Variants in FOXK1 observed in about 807,000 individuals in gnomAD.
FOXK1 encodes the protein forkhead box K1.
In FOXK1, 19 loss-of-function variants were observed where a neutral mutation model predicts 51.9. That is an observed-to-expected ratio of 0.37 (90% CI 0.26 to 0.54). FOXK1 has a LOEUF of 0.54. Among genes scored for constraint, FOXK1 ranks in the 20% least tolerant of loss-of-function variants. The pLI is 0.87. For synonymous variants in FOXK1, 537 were observed against 482.6 expected (o/e 1.11, Z -1.48); for missense variants, 870 against 1,032.7 (o/e 0.84, Z 2.16).
rs1307077931 is a variant in FOXK1 at position 4,758,642 on chromosome 7, C to T, written c.1245-409C>T. 1.0e-5 allele frequency: 2 copies of T among 192,520 alleles called. No individual in the cohort carries two copies. The highest frequency in any genetic ancestry group is 2.1e-5 in the Non-Finnish European group (2 of 94,898). 11.9% of individuals were successfully genotyped at this position (192,520 alleles called of 1,614,324 possible). On this transcript the variant is annotated intron_variant, in intron 5 of 8. Transcript: ENST00000328914. This position sits in a 1 kb window ranked among gnomAD's most constrained non-coding sequence, Gnocchi z 4.4. ...CATTTGCAGCATTTAAACTGAGCTCCAAATGACGTTCAAACACCCCTCTCG... is the reference window on the plus strand; with the variant it reads ...CATTTGCAGCATTTAAACTGAGCTCTAAATGACGTTCAAACACCCCTCTCG...
intron 2 of FOXK1, among the ~76,000 whole-genome samples, chr7:4,744,222 T>TA (rs1294320562): frequency 3.3e-5 from 5 of 152,232 alleles, no homozygotes; most frequent in African/African-American, 7.2e-5. Context: ...AGTTAAGTGA[T>TA]ACCTGTGTTT....
rs145965537 is a variant in FOXK1 at position 4,700,366 on chromosome 7, A to G, written c.560+17498A>G. On this transcript the variant is annotated intron_variant, in intron 1 of 8. Coordinates refer to ENST00000328914, the MANE Select transcript of FOXK1 (RefSeq NM_001037165.2). The stretch of plus-strand genomic sequence containing the variant: ...GTGTAAGAAAGTGATCAGAAGTTCC[A>G]TTAGCTTAGCTTCTAAAGGTCTGGC... Among the ~76,000 whole-genome samples, 461 of 152,344 alleles carry G rather than the reference A, an allele frequency of 3.0e-3. 1 individual carries two copies. Among genetic ancestry groups the G allele is most frequent in the African/African-American group, 0.01 (429 of 41,588 alleles).
chr7:4,729,207 C>T lies in FOXK1; in HGVS notation c.561-11631C>T, dbSNP rs980268044. ...CGGAGGTGATTTCGGAGCCTACTCT[C>T]CGATCCTCAGGATCCTCTTCGGGAG... On this transcript the variant is annotated intron_variant, in intron 1 of 8. Coordinates refer to ENST00000328914, the MANE Select transcript of FOXK1 (RefSeq NM_001037165.2). The surrounding 1 kb of genome is among the most constrained non-coding windows in gnomAD (Gnocchi z 6.2). 6.6e-6 allele frequency among the ~76,000 whole-genome samples: 1 copy of T among 152,210 alleles called. No individual in the cohort carries two copies. Among genetic ancestry groups the T allele is most frequent in the Non-Finnish European group, 1.5e-5 (1 of 68,032 alleles).
intron 1 of FOXK1, among the ~76,000 whole-genome samples, chr7:4,705,552 T>TCTCTCGCTCTCGCTCTCGCTCTCG (rs1554249281): frequency 1.7e-4 from 24 of 143,690 alleles, no homozygotes; most frequent in South Asian, 4.4e-4. Context: ...TCTCTCTCTC[T>TCTCTCGCTCTCGCTCTCGCTCTCG]CTCTCTCGCT....
intron 2 of FOXK1, among the ~76,000 whole-genome samples, chr7:4,751,650 C>T (rs565631675): frequency 6.6e-6 from 1 of 152,334 alleles, no homozygotes; most frequent in East Asian, 1.9e-4. Context: ...CTGCGGAGGA[C>T]AGTTGAATGG....
chr7:4,696,137 A>G (rs1342660048), intron 1 of FOXK1, among the ~76,000 whole-genome samples: 1 of 150,466 alleles, frequency 6.6e-6, no homozygotes, highest in Non-Finnish European at 1.5e-5. Flanking sequence ...AAAAAAAAGA[A>G]TCTTGTGCTG....
intron 1 of FOXK1, among the ~76,000 whole-genome samples, chr7:4,695,384 C>G (rs959436110): frequency 4.6e-5 from 7 of 152,174 alleles, no homozygotes; most frequent in African/African-American, 1.7e-4. Flanking sequence ...ACAGGCCTGC[C>G]TACCTTTGGA....
At position 4,703,400 on chromosome 7, in the gene FOXK1, G is replaced by A. The variant is rs970880257; in HGVS notation, c.560+20532G>A. Among the ~76,000 whole-genome samples the A allele has an allele frequency of 6.6e-6, 1 of 152,182 alleles. No individual in the cohort carries two copies. Among genetic ancestry groups the A allele is most frequent in the African/African-American group, 2.4e-5 (1 of 41,452 alleles). ...GGGAGGACAACTCGCTGAAGTTCGTGGCCCCAAGACATGCGGAGAACCCGC... is the reference window on the plus strand; with the variant it reads ...GGGAGGACAACTCGCTGAAGTTCGTAGCCCCAAGACATGCGGAGAACCCGC... On this transcript the variant is annotated intron_variant, in intron 1 of 8. Transcript: ENST00000328914. The surrounding 1 kb of genome is among the most constrained non-coding windows in gnomAD (Gnocchi z 5.6).
intron 1 of FOXK1, among the ~76,000 whole-genome samples, chr7:4,724,984 A>T (rs1428407256): frequency 6.6e-6 from 1 of 152,070 alleles, no homozygotes; most frequent in Non-Finnish European, 1.5e-5. Context: ...GGGAGAGGAG[A>T]AGTGGGTTTG....
chr7:4,692,901 A>G (rs538987450), intron 1 of FOXK1, among the ~76,000 whole-genome samples: 1 of 151,754 alleles, frequency 6.6e-6, no homozygotes, highest in South Asian at 2.1e-4. Flanking sequence ...AATTTCTTTT[A>G]TTTATTTATT....
At position 4,755,004 on chromosome 7, in the gene FOXK1, A is replaced by T. The variant is rs1780826276; in HGVS notation, c.904-233A>T. 3.4e-6 allele frequency: 2 copies of T among 580,500 alleles called. No homozygotes were observed. Among genetic ancestry groups the T allele is most frequent in the South Asian group, 4.5e-5 (2 of 44,240 alleles). 36.0% of individuals were successfully genotyped at this position (580,500 alleles called of 1,614,324 possible). A position where few individuals can be genotyped will look rare whatever the true frequency, so the allele number is the denominator to read the frequency against. ...AAATTGATTTCTGGAAGAGGTGAGA[A>T]ATTTCAGAATTAAATTATAATAAAA... On this transcript the variant is annotated intron_variant, in intron 3 of 8. Transcript: ENST00000328914. This position sits in a 1 kb window ranked among gnomAD's most constrained non-coding sequence, Gnocchi z 6.6.
rs533598470 is a variant in FOXK1, at chr7:4,763,748, C to G, written c.*1284C>G. ...CCAGTGGTTCCTGGATCTTTGTCACCAAGCAGCGTTGAGCCAGAGCTGTCT... is the reference window on the plus strand; with the variant it reads ...CCAGTGGTTCCTGGATCTTTGTCACGAAGCAGCGTTGAGCCAGAGCTGTCT... On this transcript the variant is annotated 3_prime_UTR_variant, in exon 9 of 9. Coordinates refer to ENST00000328914, the MANE Select transcript of FOXK1 (RefSeq NM_001037165.2). The G allele has an allele frequency of 2.6e-5, 4 of 152,442 alleles. No homozygotes were observed. The East Asian group carries it at 7.7e-4, about 29-fold the overall frequency. 9.4% of individuals were successfully genotyped at this position (152,442 alleles called of 1,614,324 possible). A position where few individuals can be genotyped will look rare whatever the true frequency, so the allele number is the denominator to read the frequency against.
At position 4,762,803 on chromosome 7, in the gene FOXK1, A is replaced by G. The variant is rs540076742; in HGVS notation, c.*339A>G. Reference sequence around the variant, plus strand: ...AGCATCTTGAGGAATGTGTCAAGACAGCCCCTCCGCTCCGCGCTGCACGGC... The same window carrying G: ...AGCATCTTGAGGAATGTGTCAAGACGGCCCCTCCGCTCCGCGCTGCACGGC... On this transcript the variant is annotated 3_prime_UTR_variant, in exon 9 of 9. Coordinates refer to ENST00000328914, the MANE Select transcript of FOXK1 (RefSeq NM_001037165.2). This position sits in a 1 kb window ranked among gnomAD's most constrained non-coding sequence, Gnocchi z 5.7. 7.0e-5 allele frequency: 22 copies of G among 313,420 alleles called. No individual in the cohort carries two copies. The South Asian group carries it at 8.1e-4, about 11-fold the overall frequency. The allele number at this position is 313,420 out of a possible 1,614,324, so 19.4% of individuals were successfully genotyped here.
rs952279584 is a variant in FOXK1, at chr7:4,761,799, G to A, written c.1922-385G>A. On this transcript the variant is annotated intron_variant, in intron 8 of 8. Coordinates refer to ENST00000328914, the MANE Select transcript of FOXK1 (RefSeq NM_001037165.2). The surrounding 1 kb of genome is among the most constrained non-coding windows in gnomAD (Gnocchi z 6.2). ...CATGGGGTGAGGCAAGAGGTCAAAG[G>A]AAGGAGGAGAGTTGGGGTGCTGGGG... Among the ~76,000 whole-genome samples, 4 of 152,194 alleles carry A rather than the reference G, an allele frequency of 2.6e-5. No individual in the cohort carries two copies. The highest frequency in any genetic ancestry group is 7.2e-5 in the African/African-American group (3 of 41,442).
rs139382813 is a variant in FOXK1, at chr7:4,707,670, C to T, written c.560+24802C>T. On this transcript the variant is annotated intron_variant, in intron 1 of 8. Transcript: ENST00000328914. The surrounding 1 kb of genome is among the most constrained non-coding windows in gnomAD (Gnocchi z 4.1). Reference sequence around the variant, plus strand: ...CATTCGTATCTGATTCATGCGTGTGCGACCAGTACTCCATTTCACTTTTTT... The same window carrying T: ...CATTCGTATCTGATTCATGCGTGTGTGACCAGTACTCCATTTCACTTTTTT... Among the ~76,000 whole-genome samples, 4 of 150,374 alleles carry T rather than the reference C, an allele frequency of 2.7e-5. No homozygotes were observed. In the East Asian group the frequency reaches 5.8e-4, roughly 22 times the overall value.
At position 4,709,909 on chromosome 7, in the gene FOXK1, A is replaced by T. The variant is rs980580738; in HGVS notation, c.560+27041A>T. ...CTTAGAACAACGCGTGACACGTTTG[A>T]ACACGGAAGAACACGGAAGCCTGTG... On this transcript the variant is annotated intron_variant, in intron 1 of 8. Coordinates refer to ENST00000328914, the MANE Select transcript of FOXK1 (RefSeq NM_001037165.2). The surrounding 1 kb of genome is among the most constrained non-coding windows in gnomAD (Gnocchi z 5.6). Among the ~76,000 whole-genome samples, 2 of 152,206 alleles carry T rather than the reference A, an allele frequency of 1.3e-5. No individual in the cohort carries two copies. Among genetic ancestry groups the T allele is most frequent in the African/African-American group, 2.4e-5 (1 of 41,460 alleles).
chr7:4,734,617 G>C lies in FOXK1; in HGVS notation c.561-6221G>C, dbSNP rs1042225026. ...CATCGGTGCACGGGGCTCCCTCCCT[G>C]GGGCTTCATGGGGGGCTCAGGAAGG... On this transcript the variant is annotated intron_variant, in intron 1 of 8. Coordinates refer to ENST00000328914, the MANE Select transcript of FOXK1 (RefSeq NM_001037165.2). The surrounding 1 kb of genome is among the most constrained non-coding windows in gnomAD (Gnocchi z 5.2). Among the ~76,000 whole-genome samples, 2 of 152,220 alleles carry C rather than the reference G, an allele frequency of 1.3e-5. No individual in the cohort carries two copies. Among genetic ancestry groups the C allele is most frequent in the Non-Finnish European group, 2.9e-5 (2 of 68,042 alleles).
At position 4,743,732 on chromosome 7, in the gene FOXK1, T is replaced by G. The variant is rs1393970750; in HGVS notation, c.746+2709T>G. Among the ~76,000 whole-genome samples, 1 of 152,106 alleles carries G rather than the reference T, an allele frequency of 6.6e-6. No homozygotes were observed. The highest frequency in any genetic ancestry group is 2.4e-5 in the African/African-American group (1 of 41,426). On this transcript the variant is annotated intron_variant, in intron 2 of 8. Transcript: ENST00000328914. This position sits in a 1 kb window ranked among gnomAD's most constrained non-coding sequence, Gnocchi z 5.3. ...ACCAGAAGAGGCTGGTCCTGCTGCT[T>G]TTGGGGCGGGTAGCAAAGGCCTCAG...
intron 1 of FOXK1, among the ~76,000 whole-genome samples, chr7:4,720,306 C>A (rs1455366670): frequency 7.3e-6 from 1 of 137,488 alleles, no homozygotes; most frequent in African/African-American, 2.9e-5. Flanking sequence ...TTCTGTTCTT[C>A]TTCTGGGATT....
Sources: allele counts gnomAD v4.1 joint callset (sites outside exome capture counted in the v4.1 genomes callset), GRCh38; gene constraint gnomAD v4.1.1; non-coding constraint Gnocchi (gnomAD v3.1); transcripts MANE v1.5; gene names NCBI Gene and HGNC (gene_info 2026-07-23, HGNC 2026-07-21).